The following SMARCB1 variants were observed in gnomAD, a reference collection of about 807,000 sequenced individuals.
The protein encoded by SMARCB1 is SWI/SNF related BAF chromatin remodeling complex subunit B1.
A neutral mutation model predicts 49.0 loss-of-function variants in SMARCB1; 5 were observed. The observed-to-expected ratio is 0.10, with a 90% confidence interval of 0.05 to 0.21. The LOEUF is 0.21. SMARCB1 is among the 10% of genes least tolerant of loss of function. The probability of loss-of-function intolerance (pLI) is 1.00; values close to 1 mark genes in which losing one functional copy is unlikely to be tolerated. For missense variants in SMARCB1, 226 were observed against 509.2 expected (o/e 0.44, Z 5.35); for synonymous variants, 201 against 200.1 (o/e 1.00, Z -0.04).
In SMARCB1 at chr22:23,835,860, GCCC is replaced by G. The variant is rs554470251; in HGVS notation, c.*1681_*1683del. ...GGCTGGGAGGTGCCGGGAAGGCTGG[GCCC>G]TCACTCCTGACCGCCAGCTCACACC... On this transcript the variant is annotated 3_prime_UTR_variant, in exon 9 of 9. Coordinates refer to ENST00000644036, the MANE Select transcript of SMARCB1 (RefSeq NM_003073.5). 111,367 of 985,374 alleles carry G rather than the reference GCCC, an allele frequency of 0.11. 6,365 individuals carry two copies. Among genetic ancestry groups the G allele is most frequent in the South Asian group, 0.17 (3,688 of 21,282 alleles). The allele number at this position is 985,374 out of a possible 1,614,324, so 61.0% of individuals were successfully genotyped here. A position where few individuals can be genotyped will look rare whatever the true frequency, so the allele number is the denominator to read the frequency against.
intron 4 of SMARCB1, 105 bp downstream of exon 4, chr22:23,801,186 G>A: frequency 6.5e-7 from 1 of 1,532,354 alleles, no homozygotes; most frequent in East Asian, 2.3e-5. Flanking sequence ...TTGACCTTGT[G>A]CTCCCCACAA....
Position 23,835,575 on chromosome 22 carries a change from C to G in SMARCB1, c.*1395C>G, listed in dbSNP as rs1455659717. 1 of 985,394 alleles carries G rather than the reference C, an allele frequency of 1.0e-6. No individual in the cohort carries two copies. The highest frequency in any genetic ancestry group is 4.7e-5 in the South Asian group (1 of 21,294). 61.0% of individuals were successfully genotyped at this position (985,394 alleles called of 1,614,324 possible). ...GGGAGTTTGCACTCAGGGCCTCTGCCCTCCATCAAAGAGTGGAACTCCCCA... is the reference window on the plus strand; with the variant it reads ...GGGAGTTTGCACTCAGGGCCTCTGCGCTCCATCAAAGAGTGGAACTCCCCA... On this transcript the variant is annotated 3_prime_UTR_variant, in exon 9 of 9. Transcript: ENST00000644036.
intron 6 of SMARCB1, 150 bp from the exon 7 acceptor site, chr22:23,825,075 A>T (rs574319231): frequency 1.5e-6 from 1 of 687,852 alleles, no homozygotes; most frequent in South Asian, 1.6e-5. Context: ...TGTTTTGGGG[A>T]TGGGGAACTG....
chr22:23,801,957 C>T (rs1929181775), intron 4 of SMARCB1: 1 of 160,020 alleles, frequency 6.2e-6, no homozygotes, highest in Non-Finnish European at 1.4e-5. Flanking sequence ...CCTCTCCTTG[C>T]TCAGGCTGTA....
Position 23,837,976 on chromosome 22 carries a change from A to C in SMARCB1, c.*3796A>C. 8.0e-7 allele frequency: 1 copy of C among 1,256,768 alleles called. No individual in the cohort carries two copies. The highest frequency in any genetic ancestry group is 1.5e-5 in the South Asian group (1 of 66,860). 77.9% of individuals were successfully genotyped at this position (1,256,768 alleles called of 1,614,324 possible). ...TATGTGCTATTCCCTCATCAAGATG[A>C]GCCAGTCCAATAAAGGCGACACACT... is the stretch of plus-strand genomic sequence containing the variant. On this transcript the variant is annotated 3_prime_UTR_variant, in exon 9 of 9. Coordinates refer to ENST00000644036, the MANE Select transcript of SMARCB1 (RefSeq NM_003073.5).
At chr22:23,801,749 G>T in intron 4 of SMARCB1, 1 of 228,058 alleles carries the variant, frequency 4.4e-6, no homozygotes. Context: ...TAATCTCTCA[G>T]GATCTTTCAC....
chr22:23,804,862 T>C (rs1005293342), intron 5 of SMARCB1, among the ~76,000 whole-genome samples: 1 of 152,202 alleles, frequency 6.6e-6, no homozygotes, highest in African/African-American at 2.4e-5. Flanking sequence ...TCTTTAATCT[T>C]CAAACAATGC....
At chr22:23,804,994 A>G (rs150509903) in intron 5 of SMARCB1, among the ~76,000 whole-genome samples, 6 of 151,974 alleles carry the variant, frequency 3.9e-5, no homozygotes, top group East Asian at 1.9e-4. Flanking sequence ...AAGGGAGGAG[A>G]GTATGAGTGG....
At chr22:23,834,036 C>T (rs1310563432) in intron 8 of SMARCB1, 105 bp from the exon 9 acceptor site, 3 of 1,261,154 alleles carry the variant, frequency 2.4e-6, no homozygotes, top group African/African-American at 1.5e-5. Context: ...CACATCCTGC[C>T]TCTGTTCCCA....
At chr22:23,810,396 C>T (rs1201600494) in intron 5 of SMARCB1, among the ~76,000 whole-genome samples, 13 of 151,416 alleles carry the variant, frequency 8.6e-5, no homozygotes, top group South Asian at 2.1e-4. Context: ...GGCATGGTGG[C>T]GCACGCCTGT....
chr22:23,788,976 A>G (rs1428187363), intron 1 of SMARCB1, among the ~76,000 whole-genome samples: 1 of 152,014 alleles, frequency 6.6e-6, no homozygotes, highest in East Asian at 1.9e-4. Flanking sequence ...CAGTCTCCCA[A>G]GTAGCTGGGA....
intron 5 of SMARCB1, among the ~76,000 whole-genome samples, chr22:23,808,343 G>A (rs1161073643): frequency 2.6e-5 from 4 of 152,096 alleles, no homozygotes; most frequent in African/African-American, 4.8e-5. Context: ...GGATGGTCTC[G>A]ATCTCCCGAC....
chr22:23,800,138 A>T (rs1929051090), intron 3 of SMARCB1, among the ~76,000 whole-genome samples: 1 of 151,894 alleles, frequency 6.6e-6, no homozygotes, highest in Non-Finnish European at 1.5e-5. Context: ...CTGGTTTCGA[A>T]CTCTTGACCT....
chr22:23,797,886 C>T (rs902375293), intron 3 of SMARCB1, among the ~76,000 whole-genome samples: 2 of 152,000 alleles, frequency 1.3e-5, no homozygotes, highest in African/African-American at 2.4e-5. Flanking sequence ...CCCAAAGTGT[C>T]GGGGTTACAG....
intron 1 of SMARCB1, among the ~76,000 whole-genome samples, chr22:23,789,846 A>G (rs1213002681): frequency 6.6e-6 from 1 of 152,184 alleles, no homozygotes; most frequent in Non-Finnish European, 1.5e-5. Flanking sequence ...CCTGTGGAAA[A>G]CAGGCACTGT....
chr22:23,788,064 G>T (rs1282674269), intron 1 of SMARCB1, among the ~76,000 whole-genome samples: 1 of 152,116 alleles, frequency 6.6e-6, no homozygotes, highest in Non-Finnish European at 1.5e-5. Flanking sequence ...TATAGAGACA[G>T]GGTCTGGCTA....
intron 1 of SMARCB1, among the ~76,000 whole-genome samples, chr22:23,789,699 T>C (rs931689949): frequency 2.0e-5 from 3 of 152,192 alleles, no homozygotes; most frequent in African/African-American, 7.2e-5. Flanking sequence ...AGAGACTCAG[T>C]TGGAGAGGCA....
At position 23,803,280 on chromosome 22, in the gene SMARCB1, C is replaced by A; in HGVS notation, c.501-15C>A. Reference sequence around the variant, plus strand: ...CCGGCCCCCTCGCTGACTGTTGCTTCCATTTCACTTTCAGCTTTGATGACC... The same window carrying A: ...CCGGCCCCCTCGCTGACTGTTGCTTACATTTCACTTTCAGCTTTGATGACC... On this transcript the variant is annotated splice_polypyrimidine_tract_variant and intron_variant, in intron 4 of 8. Transcript: ENST00000644036. 6.2e-7 allele frequency: 1 copy of A among 1,614,156 alleles called. No homozygotes were observed. The highest frequency in any genetic ancestry group is 8.5e-7 in the Non-Finnish European group (1 of 1,180,050).
chr22:23,809,732 G>A (rs938777185), intron 5 of SMARCB1, among the ~76,000 whole-genome samples: 1 of 151,904 alleles, frequency 6.6e-6, no homozygotes, highest in Non-Finnish European at 1.5e-5. Flanking sequence ...GATTTCTCAT[G>A]AGAAACTGGA....
Sources: gnomAD v4.1 joint callset for allele counts (sites outside exome capture counted in the v4.1 genomes callset) on GRCh38, gnomAD v4.1.1 for gene constraint, MANE v1.5 for transcripts, NCBI Gene and HGNC (gene_info 2026-07-23, HGNC 2026-07-21) for gene names.